Variants in HMGA2 observed in about 807,000 individuals in gnomAD.
HMGA2 encodes high mobility group protein HMGI-C.
A neutral mutation model predicts 19.1 loss-of-function variants in HMGA2; 8 were observed. The ratio of observed to expected loss-of-function variants is 0.42; its 90% CI spans 0.25 to 0.76. The LOEUF is 0.76. Ranked by LOEUF, HMGA2 falls within the 30% of genes least tolerant of loss-of-function variation. HMGA2 has a pLI of 0.28. For missense variants in HMGA2, 109 were observed against 136.3 expected, an observed-to-expected ratio of 0.80 and a Z score of 1.00; for synonymous variants, 60 against 48.8, an observed-to-expected ratio of 1.23 and a Z score of -0.96.
At chr12:65,932,946 A>C (rs1483825494) in intron 3 of HMGA2, among the ~76,000 whole-genome samples, 2 of 152,178 alleles carry the variant, frequency 1.3e-5, no homozygotes, top group Non-Finnish European at 2.9e-5. Context: ...TGCCATTCAA[A>C]ACATCAGTGA....
chr12:65,841,522 C>T (rs966747943), intron 3 of HMGA2, among the ~76,000 whole-genome samples: 2 of 152,208 alleles, frequency 1.3e-5, no homozygotes, highest in African/African-American at 4.8e-5. Context: ...CGTTCAATGG[C>T]ATTCTTTGCT....
intron 3 of HMGA2, among the ~76,000 whole-genome samples, chr12:65,940,623 A>C (rs1876060403): frequency 6.6e-6 from 1 of 152,208 alleles, no homozygotes; most frequent in Non-Finnish European, 1.5e-5. Context: ...TTCGTAAAAA[A>C]AATAAGAAGC....
chr12:65,832,142 G>C (rs1320115540), intron 2 of HMGA2, among the ~76,000 whole-genome samples: 2 of 151,816 alleles, frequency 1.3e-5, no homozygotes, highest in African/African-American at 4.8e-5. Context: ...CCATTATCTT[G>C]ATATTTAGGC....
At chr12:65,955,733 G>C (rs1876587024) in intron 4 of HMGA2, 1 of 152,120 alleles carries the variant, frequency 6.6e-6, no homozygotes, top group Admixed American at 6.5e-5. Context: ...AAAGCTTTCT[G>C]TTTCAAAAAA....
At chr12:65,859,754 G>A (rs1871949391) in intron 3 of HMGA2, 1 of 179,634 alleles carries the variant, frequency 5.6e-6, no homozygotes, top group Non-Finnish European at 1.2e-5. Flanking sequence ...GTTATGTCCT[G>A]ATACACTCAT....
At chr12:65,862,577 A>C (rs1487560243) in intron 3 of HMGA2, among the ~76,000 whole-genome samples, 2 of 152,232 alleles carry the variant, frequency 1.3e-5, no homozygotes, top group Non-Finnish European at 2.9e-5. Flanking sequence ...AATCTCTTAT[A>C]CTACAAAAAT....
intron 3 of HMGA2, among the ~76,000 whole-genome samples, chr12:65,880,277 T>A (rs1435159827): frequency 6.6e-6 from 1 of 152,178 alleles, no homozygotes; most frequent in East Asian, 1.9e-4. Context: ...ATCACTGGCA[T>A]CTCCTCACTC....
chr12:65,924,662 G>A (rs1488893977), intron 3 of HMGA2, among the ~76,000 whole-genome samples: 1 of 152,164 alleles, frequency 6.6e-6, no homozygotes, highest in Non-Finnish European at 1.5e-5. Flanking sequence ...GCTGGGCGTT[G>A]TGGGGCGTGC....
At chr12:65,894,471 C>A (rs1021832813) in intron 3 of HMGA2, among the ~76,000 whole-genome samples, 3 of 152,078 alleles carry the variant, frequency 2.0e-5, no homozygotes, top group South Asian at 2.1e-4. Flanking sequence ...TTTTGTTTTG[C>A]GCTTAAATTT....
At chr12:65,849,577 TG>T (rs1484005255) in intron 3 of HMGA2, among the ~76,000 whole-genome samples, 1 of 152,124 alleles carries the variant, frequency 6.6e-6, no homozygotes, top group Non-Finnish European at 1.5e-5. Context: ...ATATATTTGG[TG>T]AAAAATATCT....
At chr12:65,893,368 C>A (rs540701716) in intron 3 of HMGA2, among the ~76,000 whole-genome samples, 28 of 152,260 alleles carry the variant, frequency 1.8e-4, no homozygotes, top group Non-Finnish European at 4.0e-4. Context: ...TGGATACATG[C>A]GAAAAGAACA....
chr12:65,891,450 C>T (rs1450892125), intron 3 of HMGA2, among the ~76,000 whole-genome samples: 1 of 152,190 alleles, frequency 6.6e-6, no homozygotes, highest in Non-Finnish European at 1.5e-5. Flanking sequence ...CATTGTGACA[C>T]TGGAGCAGCA....
intron 4 of HMGA2, chr12:65,954,993 C>T (rs2121319068): frequency 6.6e-6 from 1 of 152,228 alleles, no homozygotes; most frequent in Admixed American, 6.5e-5. Flanking sequence ...CCAGCCTGGC[C>T]AACATGGTGA....
chr12:65,950,648 T>A (rs918694826), intron 3 of HMGA2, among the ~76,000 whole-genome samples: 1 of 152,212 alleles, frequency 6.6e-6, no homozygotes, highest in Non-Finnish European at 1.5e-5. Flanking sequence ...GTGGTGATGG[T>A]TGCACAACCC....
intron 3 of HMGA2, among the ~76,000 whole-genome samples, chr12:65,946,778 A>G (rs1876281013): frequency 6.6e-6 from 1 of 152,176 alleles, no homozygotes; most frequent in Admixed American, 6.5e-5. Context: ...TCTCTCTACA[A>G]AATCTTAAAA....
Position 65,925,876 on chromosome 12 carries a change from T to C in HMGA2, c.250-25507T>C, listed in dbSNP as rs890463569. The stretch of plus-strand genomic sequence containing the variant: ...AAGGAAGTTGTGAAAGGGGAGAAAA[T>C]AGAGCTATTGACTGCAGAGCCATAA... On this transcript the variant is annotated intron_variant, in intron 3 of 4. Coordinates refer to ENST00000403681, the MANE Select transcript of HMGA2 (RefSeq NM_003483.6). 1.8e-4 allele frequency among the ~76,000 whole-genome samples: 28 copies of C among 152,098 alleles called. 1 individual carries two copies. Among genetic ancestry groups the C allele is most frequent in the Admixed American group, 6.5e-5 (1 of 15,268 alleles).
At chr12:65,897,594 C>T (rs11175948) in intron 3 of HMGA2, among the ~76,000 whole-genome samples, 11,405 of 152,092 alleles carry the variant, frequency 0.075, 464 homozygotes, top group Middle Eastern at 0.17. Flanking sequence ...TGCAGAGCAG[C>T]GATTTAAAAG....
chr12:65,824,761 C>CTG lies in HMGA2; in HGVS notation c.-509_-508insGT. On this transcript the variant is annotated 5_prime_UTR_variant, in exon 1 of 5. Transcript: ENST00000403681. ...TCTCTCTCTCTCTCTCTCTCTCTCTCTCTCTCTCGCAGGGTGGGGGGAAGA... is the reference window on the plus strand; with the variant it reads ...TCTCTCTCTCTCTCTCTCTCTCTCTCTGTCTCTCTCGCAGGGTGGGGGGAAGA... 1 of 219,696 alleles carries CTG rather than the reference C, an allele frequency of 4.6e-6. No individual in the cohort carries two copies. Among genetic ancestry groups the CTG allele is most frequent in the Admixed American group, 6.1e-5 (1 of 16,306 alleles). 13.6% of individuals were successfully genotyped at this position (219,696 alleles called of 1,614,324 possible).
At chr12:65,844,560 G>A (rs1871154746) in intron 3 of HMGA2, among the ~76,000 whole-genome samples, 1 of 152,136 alleles carries the variant, frequency 6.6e-6, no homozygotes, top group Non-Finnish European at 1.5e-5. Context: ...AATTGAATTT[G>A]ATCATTCATG....
Sources: gnomAD v4.1 joint callset for allele counts (sites outside exome capture counted in the v4.1 genomes callset) on GRCh38, gnomAD v4.1.1 for gene constraint, MANE v1.5 for transcripts, NCBI Gene and HGNC (gene_info 2026-07-23, HGNC 2026-07-21) for gene names.